Variants in TAPT1 observed in about 807,000 individuals in gnomAD.
TAPT1 encodes transmembrane anterior posterior transformation protein 1 homolog.
TAPT1 carries 28 observed loss-of-function variants against 65.6 expected under a neutral mutation model. The ratio of observed to expected loss-of-function variants is 0.43; its 90% CI spans 0.32 to 0.59. The LOEUF is 0.59. Ranked by LOEUF, TAPT1 falls within the 20% of genes least tolerant of loss-of-function variation. TAPT1 has a pLI of 0.09. For missense variants in TAPT1, 563 were observed against 679.9 expected, an observed-to-expected ratio of 0.83 and a Z score of 1.91; for synonymous variants, 278 against 245.2, an observed-to-expected ratio of 1.13 and a Z score of -1.25.
rs909545960 is a variant in TAPT1 at position 16,226,335 on chromosome 4, CG to C, written c.122del (p.Pro41ArgfsTer31). 1.8e-6 allele frequency: 2 copies of C among 1,119,262 alleles called. No homozygotes were observed. The highest frequency in any genetic ancestry group is 1.1e-6 in the Non-Finnish European group (1 of 916,580). The allele number at this position is 1,119,262 out of a possible 1,614,324, so 69.3% of individuals were successfully genotyped here. The stretch of plus-strand genomic sequence containing the variant: ...GCGTCTCTGTGAGCTGAGGCGCCGG[CG>C]GGGGCCCCTGTCCGCCGCTGCCGCC... Reference protein sequence around the residue: ...QPGGSGGQGPPPAPQLTETLG... With the variant: ...QPGGSGGQGPXPAPQLTETLG... On this transcript the variant is annotated frameshift_variant, in exon 1 of 14. Coordinates refer to ENST00000405303, the MANE Select transcript of TAPT1 (RefSeq NM_153365.3). LOFTEE classifies it high-confidence loss of function.
chr4:16,202,720 GTTC>G, intron 2 of TAPT1, 140 bp from the exon 3 acceptor site: 1 of 528,266 alleles, frequency 1.9e-6, no homozygotes, highest in Non-Finnish European at 3.4e-6. Flanking sequence ...CAAATTAACA[GTTC>G]TTCTCTTCAA....
At chr4:16,217,230 C>A (rs1750992750) in intron 1 of TAPT1, among the ~76,000 whole-genome samples, 2 of 152,150 alleles carry the variant, frequency 1.3e-5, no homozygotes, top group African/African-American at 4.8e-5. Flanking sequence ...CATTCATTTT[C>A]TTGTCTGGTT....
chr4:16,196,386 G>T (rs1393902866), intron 3 of TAPT1, among the ~76,000 whole-genome samples: 1 of 152,200 alleles, frequency 6.6e-6, no homozygotes, highest in African/African-American at 2.4e-5. Context: ...CTTTGGGGAT[G>T]AAGTATTTGC....
At chr4:16,189,418 C>T (rs1350007462) in intron 4 of TAPT1, among the ~76,000 whole-genome samples, 1 of 152,208 alleles carries the variant, frequency 6.6e-6, no homozygotes, top group East Asian at 1.9e-4. Context: ...GTCTAAGATG[C>T]TTGGCATGCA....
At position 16,163,449 on chromosome 4, in the gene TAPT1, G is replaced by A; in HGVS notation, c.1563C>T (p.Ser521=). ...GAGTTGTCAAAAACTGATCAGAATT[G>A]CTTGTCACAAGTAATGGTATGATAT... The part of the protein sequence containing the change: ...KENIIPLLVT[S]NSDQFLTTPD... The change falls in exon 14 of 14, where the codon AGC becomes AGT. Residue 521 remains serine, a synonymous_variant. Coordinates refer to ENST00000405303, the MANE Select transcript of TAPT1 (RefSeq NM_153365.3). 6.2e-7 allele frequency: 1 copy of A among 1,613,878 alleles called. No homozygotes were observed. The highest frequency in any genetic ancestry group is 1.1e-5 in the South Asian group (1 of 91,086).
chr4:16,167,275 G>C (rs1375567179), intron 12 of TAPT1, among the ~76,000 whole-genome samples: 7 of 152,060 alleles, frequency 4.6e-5, no homozygotes, highest in African/African-American at 1.7e-4. Context: ...ACAGGTGTGA[G>C]CCACCATGCC....
intron 2 of TAPT1, among the ~76,000 whole-genome samples, chr4:16,208,575 C>T (rs73798874): frequency 0.17 from 26,377 of 152,172 alleles, 4,574 homozygotes; most frequent in African/African-American, 0.45. Flanking sequence ...CATCTTTCTA[C>T]TAGAAGACAA....
At chr4:16,214,004 A>G (rs1271968166) in intron 1 of TAPT1, 106 bp from the exon 2 acceptor site, 3 of 870,234 alleles carry the variant, frequency 3.4e-6, no homozygotes, top group East Asian at 5.8e-5. Flanking sequence ...AGAGACCAAA[A>G]TAAATGTTAT....
intron 4 of TAPT1, among the ~76,000 whole-genome samples, chr4:16,189,863 T>G (rs944118611): frequency 6.6e-6 from 1 of 152,202 alleles, no homozygotes; most frequent in Non-Finnish European, 1.5e-5. Context: ...CCTCGCACTT[T>G]CCAGTGTCCT....
At chr4:16,194,584 T>C (rs748956561) in intron 3 of TAPT1, among the ~76,000 whole-genome samples, 10 of 152,156 alleles carry the variant, frequency 6.6e-5, no homozygotes, top group Non-Finnish European at 1.3e-4. Context: ...CGCAATCTCA[T>C]CTCAATAAAT....
At chr4:16,215,439 T>C (rs1480136601) in intron 1 of TAPT1, among the ~76,000 whole-genome samples, 1 of 152,212 alleles carries the variant, frequency 6.6e-6, no homozygotes, top group African/African-American at 2.4e-5. Flanking sequence ...TTGAGTATTA[T>C]GTCAAGTGGC....
At position 16,202,592 on chromosome 4, in the gene TAPT1, CA is replaced by C; in HGVS notation, c.331-13del. 2.9e-6 allele frequency: 4 copies of C among 1,363,136 alleles called. No homozygotes were observed. The highest frequency in any genetic ancestry group is 3.0e-6 in the Non-Finnish European group (3 of 1,012,834). 84.4% of individuals were successfully genotyped at this position (1,363,136 alleles called of 1,614,324 possible). ...CCAAAAACCATCAGCTGAATTTTAA[CA>C]AGGAGAGAAGAAAAAAAAAAAGTAT... On this transcript the variant is annotated splice_polypyrimidine_tract_variant and intron_variant, in intron 2 of 13. Transcript: ENST00000405303.
chr4:16,196,811 C>T (rs1749733205), intron 3 of TAPT1: 10 of 609,468 alleles, frequency 1.6e-5, no homozygotes, highest in Admixed American at 2.3e-5. Flanking sequence ...GACAATAAAA[C>T]CTGGTGTTAC....
At chr4:16,200,787 G>A (rs1039041011) in intron 3 of TAPT1, among the ~76,000 whole-genome samples, 1 of 152,160 alleles carries the variant, frequency 6.6e-6, no homozygotes, top group Non-Finnish European at 1.5e-5. Flanking sequence ...ATATCATGAA[G>A]CTCCCAGGAG....
chr4:16,165,992 G>A (rs535593539), intron 13 of TAPT1, among the ~76,000 whole-genome samples: 4 of 152,298 alleles, frequency 2.6e-5, no homozygotes, highest in African/African-American at 9.6e-5. Context: ...CACCTGGAAG[G>A]TTCTCATAAC....
chr4:16,209,813 G>A (rs933135271), intron 2 of TAPT1, among the ~76,000 whole-genome samples: 1 of 152,286 alleles, frequency 6.6e-6, no homozygotes, highest in Non-Finnish European at 1.5e-5. Context: ...AAAATGCCTA[G>A]GACAGTATCT....
chr4:16,185,184 T>C (rs1287508895), intron 7 of TAPT1, among the ~76,000 whole-genome samples: 1 of 152,182 alleles, frequency 6.6e-6, no homozygotes, highest in African/African-American at 2.4e-5. Flanking sequence ...TTTATCCAAC[T>C]GTTCCAGCAT....
chr4:16,225,933 G>A (rs372445199), intron 1 of TAPT1: 2 of 989,076 alleles, frequency 2.0e-6, no homozygotes, highest in Middle Eastern at 5.1e-4. Context: ...GCTCCGAGAC[G>A]TGGGAGATGC....
intron 7 of TAPT1, among the ~76,000 whole-genome samples, chr4:16,182,408 T>G (rs1257683304): frequency 1.3e-5 from 2 of 152,232 alleles, no homozygotes; most frequent in Admixed American, 1.3e-4. Flanking sequence ...TGTTTTCTCC[T>G]AACCTTTATT....
Sources: gnomAD v4.1 joint callset for allele counts (sites outside exome capture counted in the v4.1 genomes callset) on GRCh38, gnomAD v4.1.1 for gene constraint, MANE v1.5 for transcripts, NCBI Gene and HGNC (gene_info 2026-07-23, HGNC 2026-07-21) for gene names.